ASTN2: variants seen among roughly 807,000 people sequenced by gnomAD.
The protein encoded by ASTN2 is astrotactin-2.
Under a neutral mutation model 139.8 loss-of-function variants are expected in ASTN2, and 54 were observed. The observed-to-expected ratio is 0.39, with a 90% CI of 0.31 to 0.48. ASTN2 has a LOEUF of 0.48. Ranked by LOEUF, ASTN2 falls within the 20% of genes least tolerant of loss-of-function variation. The probability of loss-of-function intolerance (pLI) is 0.95; values close to 1 mark genes in which losing one functional copy is unlikely to be tolerated. For synonymous variants in ASTN2, 756 were observed against 719.5 expected (o/e 1.05, Z -0.81); for missense variants, 1,565 against 1,725.1 (o/e 0.91, Z 1.64).
At chr9:117,064,519 G>A (rs1827873036) in intron 5 of ASTN2, among the ~76,000 whole-genome samples, 1 of 152,156 alleles carries the variant, frequency 6.6e-6, no homozygotes, top group East Asian at 1.9e-4. Flanking sequence ...AATGGAACTG[G>A]AGGCCATTAT....
chr9:116,791,031 G>GAA lies in ASTN2; in HGVS notation c.2396+14599_2396+14600dup, dbSNP rs1227165909. 2.2e-3 allele frequency among the ~76,000 whole-genome samples: 254 copies of GAA among 113,954 alleles called. 4 individuals are homozygous for GAA. The highest frequency in any genetic ancestry group is 7.7e-3 in the African/African-American group (239 of 31,134). The allele number at this position is 113,954 out of a possible 152,430, so 74.8% of individuals were successfully genotyped here. On this transcript the variant is annotated intron_variant, in intron 13 of 22. Coordinates refer to ENST00000313400, the MANE Select transcript of ASTN2 (RefSeq NM_001365068.1). ...AGAAAGAAAGAAAGAAAGAAAGAAA[G>GAA]AAAGAAAGAAAGAAAAGAAAAGAAA... is the stretch of plus-strand genomic sequence containing the variant.
chr9:117,245,757 C>A (rs1833362128), intron 2 of ASTN2, among the ~76,000 whole-genome samples: 1 of 152,158 alleles, frequency 6.6e-6, no homozygotes, highest in Non-Finnish European at 1.5e-5. Context: ...TGCTCACCAT[C>A]TCCTTGCCTA....
chr9:117,392,094 T>C (rs1289931221), intron 1 of ASTN2, among the ~76,000 whole-genome samples: 1 of 152,128 alleles, frequency 6.6e-6, no homozygotes, highest in Non-Finnish European at 1.5e-5. Flanking sequence ...TTGATGTACA[T>C]GTTTATAAAG....
intron 7 of ASTN2, among the ~76,000 whole-genome samples, chr9:117,001,659 G>C (rs1417632349): frequency 6.6e-6 from 1 of 152,060 alleles, no homozygotes; most frequent in Admixed American, 6.6e-5. Flanking sequence ...CTCTGCTAAA[G>C]CACCCTCCAT....
chr9:116,797,715 A>G (rs1830738220), intron 13 of ASTN2, among the ~76,000 whole-genome samples: 1 of 152,208 alleles, frequency 6.6e-6, no homozygotes, highest in African/African-American at 2.4e-5. Context: ...CAATGAGATC[A>G]TCGTCTATTA....
At chr9:116,435,625 C>G (rs1404213568) in intron 22 of ASTN2, among the ~76,000 whole-genome samples, 1 of 152,172 alleles carries the variant, frequency 6.6e-6, no homozygotes, top group Non-Finnish European at 1.5e-5. Flanking sequence ...ATTGGTAATT[C>G]CTTCTGATGA....
intron 13 of ASTN2, among the ~76,000 whole-genome samples, chr9:116,780,644 T>A (rs1425111331): frequency 1.3e-5 from 2 of 152,186 alleles, no homozygotes; most frequent in African/African-American, 2.4e-5. Context: ...AAGAACCTCA[T>A]GACCCTGGGC....
At chr9:116,897,395 C>T (rs979484276) in intron 10 of ASTN2, among the ~76,000 whole-genome samples, 1 of 152,182 alleles carries the variant, frequency 6.6e-6, no homozygotes, top group East Asian at 1.9e-4. Flanking sequence ...GTCAAACTCA[C>T]AATCAAGGAT....
chr9:116,809,515 C>A (rs988474831), intron 12 of ASTN2, among the ~76,000 whole-genome samples: 1 of 151,996 alleles, frequency 6.6e-6, no homozygotes, highest in African/African-American at 2.4e-5. Context: ...AAGTAATACT[C>A]CTCCCCTTCA....
At chr9:116,993,800 T>C (rs1320320655) in intron 7 of ASTN2, among the ~76,000 whole-genome samples, 1 of 146,928 alleles carries the variant, frequency 6.8e-6, no homozygotes, top group African/African-American at 2.5e-5. Flanking sequence ...TATATGTATG[T>C]ATGTACTATA....
At chr9:116,951,204 G>T (rs1835548246) in intron 10 of ASTN2, among the ~76,000 whole-genome samples, 1 of 151,898 alleles carries the variant, frequency 6.6e-6, no homozygotes, top group Admixed American at 6.6e-5. Flanking sequence ...TGGCATGGTG[G>T]CGCACGCCTG....
At chr9:116,429,175 C>T (rs1436040425) in intron 22 of ASTN2, among the ~76,000 whole-genome samples, 1 of 151,876 alleles carries the variant, frequency 6.6e-6, no homozygotes, top group African/African-American at 2.4e-5. Flanking sequence ...GCTGTGTCTA[C>T]TAAAAATACA....
intron 1 of ASTN2, among the ~76,000 whole-genome samples, chr9:117,394,005 T>A (rs1238553310): frequency 3.9e-5 from 6 of 152,250 alleles, no homozygotes; most frequent in Non-Finnish European, 1.5e-5. Context: ...ACTTTGCGAA[T>A]GCAAGCTTAT....
intron 1 of ASTN2, among the ~76,000 whole-genome samples, chr9:117,375,768 TTG>T (rs1420595106): frequency 6.6e-6 from 1 of 152,170 alleles, no homozygotes; most frequent in Non-Finnish European, 1.5e-5. Context: ...GCAAACAGTT[TTG>T]CAGGTCGGAA....
At chr9:116,829,653 T>A (rs1445303755) in intron 11 of ASTN2, among the ~76,000 whole-genome samples, 1 of 152,124 alleles carries the variant, frequency 6.6e-6, no homozygotes, top group African/African-American at 2.4e-5. Flanking sequence ...CCAGATCTCA[T>A]GAGAACTCAC....
chr9:116,774,655 C>T (rs943583129), intron 13 of ASTN2, among the ~76,000 whole-genome samples: 6 of 151,528 alleles, frequency 4.0e-5, no homozygotes, highest in African/African-American at 1.5e-4. Flanking sequence ...GCTCGAGAGC[C>T]TGGCTCTTAG....
At chr9:116,629,995 G>T (rs183042506) in intron 17 of ASTN2, among the ~76,000 whole-genome samples, 15 of 152,220 alleles carry the variant, frequency 9.9e-5, no homozygotes, top group African/African-American at 2.6e-4. Flanking sequence ...CCATATTTCA[G>T]CTCCCATCTA....
At chr9:116,512,302 T>G (rs902319209) in intron 19 of ASTN2, among the ~76,000 whole-genome samples, 11 of 152,194 alleles carry the variant, frequency 7.2e-5, no homozygotes, top group African/African-American at 2.4e-4. Context: ...TTCCAGGTAG[T>G]TGAGTGGTTT....
At chr9:117,109,087 C>A (rs750774142) in intron 4 of ASTN2, among the ~76,000 whole-genome samples, 2 of 151,964 alleles carry the variant, frequency 1.3e-5, no homozygotes, top group Non-Finnish European at 1.5e-5. Flanking sequence ...GAGTTTGCAG[C>A]CTGGCTAACA....
Sources: gnomAD v4.1 joint callset for allele counts (sites outside exome capture counted in the v4.1 genomes callset) on GRCh38, gnomAD v4.1.1 for gene constraint, MANE v1.5 for transcripts, NCBI Gene and HGNC (gene_info 2026-07-23, HGNC 2026-07-21) for gene names.